SPOCK1: variants seen among roughly 807,000 people sequenced by gnomAD.
The protein encoded by SPOCK1 is testican-1.
SPOCK1 carries 23 observed loss-of-function variants against 55.3 expected under a neutral mutation model. The observed-to-expected ratio is 0.42, with a 90% CI of 0.30 to 0.59. The LOEUF is 0.59. Ranked by LOEUF, SPOCK1 falls within the 20% of genes least tolerant of loss-of-function variation. The probability of loss-of-function intolerance (pLI) is 0.22; values close to 1 mark genes in which losing one functional copy is unlikely to be tolerated. For missense variants in SPOCK1, 499 were observed against 552.5 expected (o/e 0.90, Z 0.97); for synonymous variants, 226 against 221.0 (o/e 1.02, Z -0.20).
intron 2 of SPOCK1, among the ~76,000 whole-genome samples, chr5:137,278,886 G>C (rs1020119754): frequency 1.3e-5 from 2 of 152,152 alleles, no homozygotes; most frequent in African/African-American, 4.8e-5. Flanking sequence ...TGAGTCCCCA[G>C]ATAGTAGTCC....
intron 2 of SPOCK1, among the ~76,000 whole-genome samples, chr5:137,328,405 G>GA (rs1758114764): frequency 6.6e-6 from 1 of 152,184 alleles, no homozygotes. Context: ...ACCCAGAAGA[G>GA]AAAATATGAT....
At chr5:137,473,445 A>G (rs1241281132) in intron 2 of SPOCK1, among the ~76,000 whole-genome samples, 2 of 152,254 alleles carry the variant, frequency 1.3e-5, no homozygotes, top group African/African-American at 4.8e-5. Context: ...AAAGAAACAC[A>G]GAAATAATAA....
chr5:137,052,583 T>C (rs1349908793), intron 6 of SPOCK1, among the ~76,000 whole-genome samples: 2 of 152,202 alleles, frequency 1.3e-5, no homozygotes, highest in African/African-American at 2.4e-5. Flanking sequence ...TATACATTGT[T>C]GTTCATAAAA....
chr5:137,293,089 A>ATTTTTTTTTTTTT (rs531537488), intron 2 of SPOCK1, among the ~76,000 whole-genome samples: 3 of 100,828 alleles, frequency 3.0e-5, no homozygotes, highest in South Asian at 3.9e-4. Flanking sequence ...GGTTTGTTGA[A>ATTTTTTTTTTTTT]TTTTTTTTTT....
chr5:137,160,653 A>AATATATT (rs1754534921), intron 3 of SPOCK1, among the ~76,000 whole-genome samples: 4 of 97,394 alleles, frequency 4.1e-5, no homozygotes, highest in African/African-American at 1.7e-4. Context: ...TATTTTATAT[A>AATATATT]ATATACAATA....
At chr5:137,438,026 G>T (rs75795101) in intron 2 of SPOCK1, among the ~76,000 whole-genome samples, 2,308 of 152,258 alleles carry the variant, frequency 0.015, 18 homozygotes, top group Non-Finnish European at 0.022. Context: ...GTCTGTTTGT[G>T]ACTGGCTCAT....
intron 2 of SPOCK1, among the ~76,000 whole-genome samples, chr5:137,424,812 G>T (rs1200418329): frequency 6.6e-6 from 1 of 152,188 alleles, no homozygotes; most frequent in East Asian, 1.9e-4. Context: ...TAGATGAGAG[G>T]TCTCCTGGGA....
chr5:137,031,716 T>C (rs1384728431), intron 6 of SPOCK1, among the ~76,000 whole-genome samples: 1 of 152,146 alleles, frequency 6.6e-6, no homozygotes, highest in African/African-American at 2.4e-5. Flanking sequence ...CAGACCCTGT[T>C]TTTTAACGGT....
intron 2 of SPOCK1, among the ~76,000 whole-genome samples, chr5:137,399,658 C>G (rs888575869): frequency 6.6e-6 from 1 of 152,062 alleles, no homozygotes; most frequent in Admixed American, 6.6e-5. Flanking sequence ...GACGTTTGCA[C>G]GTAAAGAGAG....
chr5:137,051,088 A>G (rs1250363457), intron 6 of SPOCK1, among the ~76,000 whole-genome samples: 1 of 152,244 alleles, frequency 6.6e-6, no homozygotes, highest in African/African-American at 2.4e-5. Context: ...AAGAATACCC[A>G]TGAAAAAATA....
chr5:137,339,493 G>A (rs566430237), intron 2 of SPOCK1, among the ~76,000 whole-genome samples: 3 of 152,328 alleles, frequency 2.0e-5, no homozygotes, highest in Admixed American at 2.0e-4. Flanking sequence ...CAGACCTAAT[G>A]CACAGAGAAC....
chr5:137,244,356 G>A (rs1262677452), intron 3 of SPOCK1, among the ~76,000 whole-genome samples: 9 of 152,180 alleles, frequency 5.9e-5, no homozygotes, highest in Admixed American at 5.9e-4. Flanking sequence ...TAAGGTAACT[G>A]TGAGCCTGTT....
At chr5:137,158,378 A>G (rs1754460995) in intron 3 of SPOCK1, among the ~76,000 whole-genome samples, 1 of 152,128 alleles carries the variant, frequency 6.6e-6, no homozygotes, top group Non-Finnish European at 1.5e-5. Flanking sequence ...CCTTCCTGTG[A>G]CAATTGAGTC....
chr5:137,097,995 C>A (rs1753186847), intron 5 of SPOCK1, among the ~76,000 whole-genome samples: 1 of 152,060 alleles, frequency 6.6e-6, no homozygotes, highest in Admixed American at 6.6e-5. Context: ...AAAGCTGGGC[C>A]AATGGAGCTA....
chr5:137,340,964 T>G (rs189903240), intron 2 of SPOCK1, among the ~76,000 whole-genome samples: 1 of 151,636 alleles, frequency 6.6e-6, no homozygotes, highest in Admixed American at 6.6e-5. Flanking sequence ...AACTGCAGCA[T>G]CTGGGACTCA....
At position 137,185,119 on chromosome 5, in the gene SPOCK1, G is replaced by A. The variant is rs1041987945; in HGVS notation, c.233-44425C>T. Among the ~76,000 whole-genome samples, 5 of 152,316 alleles carry A rather than the reference G, an allele frequency of 3.3e-5. No individual in the cohort carries two copies. In the East Asian group the frequency reaches 9.6e-4, roughly 29 times the overall value. ...AAAGGAGGAACAGGGTGAAGTCAGG[G>A]CAGAGAGAGGAAAAAATGGAAAGGG... On this transcript the variant is annotated intron_variant, in intron 3 of 10. Coordinates refer to ENST00000394945, the MANE Select transcript of SPOCK1 (RefSeq NM_004598.4).
intron 6 of SPOCK1, among the ~76,000 whole-genome samples, chr5:137,008,757 CAG>C (rs1405637270): frequency 6.6e-6 from 1 of 151,950 alleles, no homozygotes; most frequent in East Asian, 1.9e-4. Context: ...AGTCAGATGA[CAG>C]AATTAAAAGC....
rs189159118 is a variant in SPOCK1, at chr5:137,167,386, G to A, written c.233-26692C>T. Among the ~76,000 whole-genome samples, 3 of 151,746 alleles carry A rather than the reference G, an allele frequency of 2.0e-5. No homozygotes were observed. In the East Asian group the frequency reaches 5.8e-4, roughly 30 times the overall value. ...AATAGCTGGGGACTTCAACACCCCAGTTTCAGCACTGGACAGATCTTCCAG... is the reference window on the plus strand; with the variant it reads ...AATAGCTGGGGACTTCAACACCCCAATTTCAGCACTGGACAGATCTTCCAG... On this transcript the variant is annotated intron_variant, in intron 3 of 10. Coordinates refer to ENST00000394945, the MANE Select transcript of SPOCK1 (RefSeq NM_004598.4).
At chr5:137,022,350 C>T (rs752336991) in intron 6 of SPOCK1, among the ~76,000 whole-genome samples, 1 of 152,144 alleles carries the variant, frequency 6.6e-6, no homozygotes, top group Non-Finnish European at 1.5e-5. Context: ...TAATACGACT[C>T]CAGTCCCAGG....
Sources: allele counts gnomAD v4.1 joint callset (sites outside exome capture counted in the v4.1 genomes callset), GRCh38; gene constraint gnomAD v4.1.1; transcripts MANE v1.5; gene names NCBI Gene and HGNC (gene_info 2026-07-23, HGNC 2026-07-21).